The following TTC38 variants were observed in gnomAD, a reference collection of about 807,000 sequenced individuals.
The protein encoded by TTC38 is tetratricopeptide repeat protein 38.
A neutral mutation model predicts 64.2 loss-of-function variants in TTC38; 64 were observed. The ratio of observed to expected loss-of-function variants is 1.00; its 90% confidence interval spans 0.81 to 1.23. The LOEUF (loss-of-function observed/expected upper bound fraction) is 1.23. TTC38 is among the 50% of genes most tolerant of loss of function. The pLI is 0.00. For missense variants in TTC38, 573 were observed against 615.5 expected, an observed-to-expected ratio of 0.93 and a Z score of 0.73; for synonymous variants, 254 against 249.3, an observed-to-expected ratio of 1.02 and a Z score of -0.18.
At chr22:46,289,381 G>A in intron 11 of TTC38, 21 bp from the exon 12 acceptor site, 5 of 1,603,590 alleles carry the variant, frequency 3.1e-6, no homozygotes, top group Non-Finnish European at 3.4e-6. Flanking sequence ...GGCAGCTGAG[G>A]GCACCGTCTT....
chr22:46,290,198 G>C (rs530020443), intron 13 of TTC38, among the ~76,000 whole-genome samples: 94 of 152,150 alleles, frequency 6.2e-4, no homozygotes, highest in African/African-American at 2.1e-3. Flanking sequence ...GCCTTTGCAC[G>C]CTTGGAACAC....
Position 46,274,159 on chromosome 22 carries a change from G to T in TTC38, c.365+90G>T. ...CCCTTTCCTGATGCCCTTGGGACGG[G>T]GGCGGGGTGGGAGAATGCTTCTCTC... On this transcript the variant is annotated intron_variant, in intron 4 of 13. Transcript: ENST00000381031. This position sits in a 1 kb window ranked among gnomAD's most constrained non-coding sequence, Gnocchi z 4.8. The T allele has an allele frequency of 9.6e-7, 1 of 1,038,444 alleles. No individual in the cohort carries two copies. The highest frequency in any genetic ancestry group is 1.4e-6 in the Non-Finnish European group (1 of 715,506). The allele number at this position is 1,038,444 out of a possible 1,614,324, so 64.3% of individuals were successfully genotyped here. A position where few individuals can be genotyped will look rare whatever the true frequency, so the allele number is the denominator to read the frequency against.
chr22:46,269,108 TA>T, intron 2 of TTC38: 1 of 435,480 alleles, frequency 2.3e-6, no homozygotes, highest in Admixed American at 2.8e-5. Context: ...CACAGCGTCC[TA>T]AAAGGGCCTC....
chr22:46,285,386 C>G, intron 9 of TTC38, 107 bp downstream of exon 9: 2 of 1,105,436 alleles, frequency 1.8e-6, no homozygotes, highest in East Asian at 2.4e-5. Flanking sequence ...AGAAAAACAG[C>G]TGGAGCAAGA....
chr22:46,291,741 G>A lies in TTC38; in HGVS notation c.1317-1050G>A, dbSNP rs1287595497. 6.6e-6 allele frequency among the ~76,000 whole-genome samples: 1 copy of A among 152,160 alleles called. No homozygotes were observed. The highest frequency in any genetic ancestry group is 1.5e-5 in the Non-Finnish European group (1 of 68,028). On this transcript the variant is annotated intron_variant, in intron 13 of 13. Coordinates refer to ENST00000381031, the MANE Select transcript of TTC38 (RefSeq NM_017931.4). This position sits in a 1 kb window ranked among gnomAD's most constrained non-coding sequence, Gnocchi z 4.6. The stretch of plus-strand genomic sequence containing the variant: ...AGGCCAAGGCGGGTGGATCACCTGA[G>A]GTCAGGAGTTCAAGACCAGCCTGGC...
intron 9 of TTC38, 85 bp downstream of exon 9, chr22:46,285,364 A>C: frequency 7.6e-7 from 1 of 1,308,866 alleles, no homozygotes; most frequent in South Asian, 1.2e-5. Context: ...GTTCATCAGG[A>C]TTGTCCCAGC....
rs537268764 is a variant in TTC38 at position 46,292,688 on chromosome 22, C to T, written c.1317-103C>T. 1.2e-5 allele frequency: 13 copies of T among 1,045,984 alleles called. No homozygotes were observed. Among genetic ancestry groups the T allele is most frequent in the South Asian group, 4.0e-5 (3 of 74,254 alleles). 64.8% of individuals were successfully genotyped at this position (1,045,984 alleles called of 1,614,324 possible). A position where few individuals can be genotyped will look rare whatever the true frequency, so the allele number is the denominator to read the frequency against. On this transcript the variant is annotated intron_variant, in intron 13 of 13. Transcript: ENST00000381031. This position sits in a 1 kb window ranked among gnomAD's most constrained non-coding sequence, Gnocchi z 6.5. The stretch of plus-strand genomic sequence containing the variant: ...TTGGCCCTTGCTGTTCCCTCAGTGC[C>T]GCAGTCTAGCCTGCCTGTGTTCTGC...
chr22:46,274,111 G>C lies in TTC38; in HGVS notation c.365+42G>C. ...GGCTGGGAGCTGGCACCCTGAGGCT[G>C]AGCTGGGGGAGTGGCAGGGTATCCC... On this transcript the variant is annotated intron_variant, in intron 4 of 13. Transcript: ENST00000381031. The surrounding 1 kb of genome is among the most constrained non-coding windows in gnomAD (Gnocchi z 4.8). 6.3e-7 allele frequency: 1 copy of C among 1,592,362 alleles called. No homozygotes were observed. The highest frequency in any genetic ancestry group is 2.2e-5 in the East Asian group (1 of 44,514).
At chr22:46,286,378 G>A (rs1420663694) in intron 9 of TTC38, among the ~76,000 whole-genome samples, 1 of 151,964 alleles carries the variant, frequency 6.6e-6, no homozygotes, top group Non-Finnish European at 1.5e-5. Context: ...AATGAAGGGT[G>A]GGCCGGGCAC....
intron 2 of TTC38, 76 bp downstream of exon 2, chr22:46,268,667 T>TTTTTTG: frequency 7.6e-7 from 1 of 1,307,690 alleles, no homozygotes; most frequent in South Asian, 1.2e-5. Context: ...GAAAGCTGTT[T>TTTTTTG]TTTTGTTTTG....
In TTC38 at chr22:46,293,126, T is replaced by C. The variant is rs1326943137; in HGVS notation, c.*242T>C. On this transcript the variant is annotated 3_prime_UTR_variant, in exon 14 of 14. Coordinates refer to ENST00000381031, the MANE Select transcript of TTC38 (RefSeq NM_017931.4). This position sits in a 1 kb window ranked among gnomAD's most constrained non-coding sequence, Gnocchi z 6.6. Reference sequence around the variant, plus strand: ...CAGCAGTCACAGCCAGTGTGAGTGCTGCTCTTTCCACCTGCCTTGCAAATT... The same window carrying C: ...CAGCAGTCACAGCCAGTGTGAGTGCCGCTCTTTCCACCTGCCTTGCAAATT... 2 of 483,966 alleles carry C rather than the reference T, an allele frequency of 4.1e-6. No homozygotes were observed. The highest frequency in any genetic ancestry group is 7.6e-6 in the Non-Finnish European group (2 of 262,936). 30.0% of individuals were successfully genotyped at this position (483,966 alleles called of 1,614,324 possible).
Position 46,268,602 on chromosome 22 carries a change from C to T in TTC38, c.111+11C>T, listed in dbSNP as rs569601409. On this transcript the variant is annotated intron_variant, in intron 2 of 13. Coordinates refer to ENST00000381031, the MANE Select transcript of TTC38 (RefSeq NM_017931.4). Reference sequence around the variant, plus strand: ...GCCACGCTGACCCAGGTATGCCTGCCGAGAGAGGCCGCGGCCCCTTCTGTG... The same window carrying T: ...GCCACGCTGACCCAGGTATGCCTGCTGAGAGAGGCCGCGGCCCCTTCTGTG... 9.3e-6 allele frequency: 15 copies of T among 1,613,432 alleles called. No individual in the cohort carries two copies. The highest frequency in any genetic ancestry group is 1.6e-4 in the Middle Eastern group (1 of 6,084).
Position 46,277,605 on chromosome 22 carries a change from CAAAAAAAAAA to C in TTC38, c.540-966_540-957del, listed in dbSNP as rs130643. On this transcript the variant is annotated intron_variant, in intron 5 of 13. Coordinates refer to ENST00000381031, the MANE Select transcript of TTC38 (RefSeq NM_017931.4). ...GGGCAACAGAGCGAGACTCTGTCTCCAAAAAAAAAAAAAAAAAAAAAAAAGAGAGAGATTG... is the reference window on the plus strand; with the variant it reads ...GGGCAACAGAGCGAGACTCTGTCTCCAAAAAAAAAAAAAAGAGAGAGATTG... Among the ~76,000 whole-genome samples, 9 of 66,532 alleles carry C rather than the reference CAAAAAAAAAA, an allele frequency of 1.4e-4. No homozygotes were observed. In the Admixed American group the frequency reaches 1.4e-3, roughly 10 times the overall value. The allele number at this position is 66,532 out of a possible 152,430, so 43.6% of individuals were successfully genotyped here. A position where few individuals can be genotyped will look rare whatever the true frequency, so the allele number is the denominator to read the frequency against.
chr22:46,292,840 G>C lies in TTC38; in HGVS notation c.1366G>C (p.Glu456Gln). 6.2e-7 allele frequency: 1 copy of C among 1,613,988 alleles called. No homozygotes were observed. Among genetic ancestry groups the C allele is most frequent in the Non-Finnish European group, 8.5e-7 (1 of 1,179,920 alleles). The change falls in exon 14 of 14, where the codon GAG (glutamate) becomes CAG (glutamine). Residue 456 changes from glutamate to glutamine, a missense_variant. Transcript: ENST00000381031. This position sits in a 1 kb window ranked among gnomAD's most constrained non-coding sequence, Gnocchi z 6.5. ...DALKPNSPLT[E>Q]RLIRKAATVH... ...CTTGAAGCCCAACTCGCCCCTGACC[G>C]AGCGGCTCATCCGCAAGGCAGCTAC...
chr22:46,280,706 C>T (rs2077527956), intron 6 of TTC38, among the ~76,000 whole-genome samples: 1 of 152,218 alleles, frequency 6.6e-6, no homozygotes. Flanking sequence ...TGGGGCCGAC[C>T]TCCTGCCAAA....
Position 46,268,050 on chromosome 22 carries a change from C to G in TTC38, c.11C>G (p.Ala4Gly). The change falls in exon 1 of 14, where the codon GCC (alanine) becomes GGC (glycine). Residue 4 changes from alanine (A) to glycine (G), a missense_variant. Around this residue, in one of 3 missense-constraint regions of TTC38, gnomAD observed 134 missense variants for 126.5 expected, o/e 1.06. Coordinates refer to ENST00000381031, the MANE Select transcript of TTC38 (RefSeq NM_017931.4). ...CCGACCCGGCGCAACATGGCCGCAG[C>G]CTCGCCTCTGCGCGACTGCCAGGTA... Reference protein sequence around the residue: MAAASPLRDCQAWK... With the variant: MAAGSPLRDCQAWK... The G allele has an allele frequency of 6.5e-7, 1 of 1,543,412 alleles. No homozygotes were observed. Among genetic ancestry groups the G allele is most frequent in the East Asian group, 2.5e-5 (1 of 40,714 alleles).
At position 46,272,374 on chromosome 22, in the gene TTC38, G is replaced by A. The variant is rs751400644; in HGVS notation, c.151G>A (p.Glu51Lys). 1.4e-5 allele frequency: 23 copies of A among 1,607,450 alleles called. No individual in the cohort carries two copies. In the East Asian group the frequency reaches 2.5e-4, roughly 17 times the overall value. The change falls in exon 3 of 14, where the codon GAG becomes AAG. Residue 51 changes from glutamate to lysine, a missense_variant. Around this residue, in one of 3 missense-constraint regions of TTC38, gnomAD observed 134 missense variants for 126.5 expected, o/e 1.06. Transcript: ENST00000381031. This position sits in a 1 kb window ranked among gnomAD's most constrained non-coding sequence, Gnocchi z 6.4. ...CAATGACAAGAGTCTCGGTGGCATC[G>A]AGGGCTGCCTGTCAAAGCTCAAAGC... is the stretch of plus-strand genomic sequence containing the variant. ...WTNDKSLGGI[E>K]GCLSKLKAAD... is the part of the protein sequence containing the mutation.
In TTC38 at chr22:46,274,045, C is replaced by T. The variant is rs1936954887; in HGVS notation, c.341C>T (p.Ser114Phe). 5 of 1,613,888 alleles carry T rather than the reference C, an allele frequency of 3.1e-6. No individual in the cohort carries two copies. Among genetic ancestry groups the T allele is most frequent in the Non-Finnish European group, 4.2e-6 (5 of 1,179,934 alleles). The change falls in exon 4 of 14, where the codon TCT (serine) becomes TTT (phenylalanine). Residue 114 changes from serine to phenylalanine, a missense_variant. Around this residue, in one of 3 missense-constraint regions of TTC38, gnomAD observed 68 missense variants for 107.3 expected, o/e 0.63. Coordinates refer to ENST00000381031, the MANE Select transcript of TTC38 (RefSeq NM_017931.4). This position sits in a 1 kb window ranked among gnomAD's most constrained non-coding sequence, Gnocchi z 4.8. Reference protein sequence around the residue: ...PLTRREQLHVSAVETFANGNF... With the variant: ...PLTRREQLHVFAVETFANGNF... Reference sequence around the variant, plus strand: ...ACAAGGCGGGAGCAGCTGCACGTGTCTGCAGTAGAGACATTTGCCAATGGG... The same window carrying T: ...ACAAGGCGGGAGCAGCTGCACGTGTTTGCAGTAGAGACATTTGCCAATGGG...
At position 46,281,769 on chromosome 22, in the gene TTC38, T is replaced by C. The variant is rs2077537068; in HGVS notation, c.735+51T>C. On this transcript the variant is annotated intron_variant, in intron 7 of 13. Transcript: ENST00000381031. This position sits in a 1 kb window ranked among gnomAD's most constrained non-coding sequence, Gnocchi z 5.2. ...TCCCTGGGAAATTCAGTGCATCCCC[T>C]TGAGTCAGGCCAAGGCTTTATGGAC... 4 of 1,610,492 alleles carry C rather than the reference T, an allele frequency of 2.5e-6. No homozygotes were observed. The highest frequency in any genetic ancestry group is 3.4e-6 in the Non-Finnish European group (4 of 1,178,886).
Sources: gnomAD v4.1 joint callset for allele counts (sites outside exome capture counted in the v4.1 genomes callset) on GRCh38, gnomAD v4.1.1 for gene constraint, gnomAD v4.1.1 regional missense constraint, Gnocchi (gnomAD v3.1) non-coding constraint, MANE v1.5 for transcripts, NCBI Gene and HGNC (gene_info 2026-07-23, HGNC 2026-07-21) for gene names.